Variants in AXIN1 observed in about 807,000 individuals in gnomAD.
AXIN1 encodes the protein axin-1.
Under a neutral mutation model 76.4 loss-of-function variants are expected in AXIN1, and 30 were observed. The observed-to-expected ratio is 0.39, with a 90% CI of 0.29 to 0.53. The LOEUF (loss-of-function observed/expected upper bound fraction) is 0.53. Among genes scored for constraint, AXIN1 ranks in the 20% least tolerant of loss-of-function variants. The pLI is 0.66. For synonymous variants in AXIN1, 545 were observed against 501.4 expected (o/e 1.09, Z -1.16); for missense variants, 1,140 against 1,198.8 (o/e 0.95, Z 0.72).
intron 2 of AXIN1, among the ~76,000 whole-genome samples, chr16:329,206 G>A (rs2053640048): frequency 6.7e-6 from 1 of 148,546 alleles, no homozygotes; most frequent in African/African-American, 2.5e-5. Context: ...GAACCCAGGA[G>A]GCAGAGGTTG....
intron 1 of AXIN1, among the ~76,000 whole-genome samples, chr16:352,051 T>G (rs1389554670): frequency 6.6e-6 from 1 of 150,440 alleles, no homozygotes; most frequent in Non-Finnish European, 1.5e-5. Context: ...CGGGCGGGAG[T>G]GTCCTCCTCC....
rs184713886 is a variant in AXIN1 at position 347,826 on chromosome 16, C to T, written c.-81-720G>A. The stretch of plus-strand genomic sequence containing the variant: ...CAGGCCCACAGAGGCGCTCGGACAC[C>T]GTCACTGGAGACAATCTTAAAATGC... On this transcript the variant is annotated intron_variant, in intron 1 of 10. Coordinates refer to ENST00000262320, the MANE Select transcript of AXIN1 (RefSeq NM_003502.4). Among the ~76,000 whole-genome samples, 463 of 152,272 alleles carry T rather than the reference C, an allele frequency of 3.0e-3. 1 individual carries two copies. The highest frequency in any genetic ancestry group is 0.01 in the African/African-American group (436 of 41,544).
At chr16:300,671 G>A (rs1312007747) in intron 5 of AXIN1, among the ~76,000 whole-genome samples, 1 of 152,188 alleles carries the variant, frequency 6.6e-6, no homozygotes. Context: ...GAGGACAGAC[G>A]GATGCTGGAG....
intron 6 of AXIN1, 119 bp from the exon 7 acceptor site, chr16:297,345 C>A: frequency 7.5e-7 from 1 of 1,338,724 alleles, no homozygotes; most frequent in East Asian, 2.4e-5. Context: ...CCGCCGCCCG[C>A]TGTCCCCTGC....
intron 2 of AXIN1, among the ~76,000 whole-genome samples, chr16:337,567 G>A (rs550779370): frequency 1.3e-5 from 2 of 151,848 alleles, no homozygotes; most frequent in East Asian, 3.9e-4. Context: ...CATGAGCAGG[G>A]CACAGGACCA....
chr16:311,245 T>G (rs1345677332), intron 3 of AXIN1, among the ~76,000 whole-genome samples: 1 of 151,278 alleles, frequency 6.6e-6, no homozygotes, highest in Non-Finnish European at 1.5e-5. Flanking sequence ...TTAACCACGA[T>G]GGTCTCAATC....
At chr16:343,999 CT>C (rs994951296) in intron 2 of AXIN1, among the ~76,000 whole-genome samples, 15 of 140,938 alleles carry the variant, frequency 1.1e-4, no homozygotes, top group African/African-American at 3.9e-4. Context: ...CAGAGCGAGA[CT>C]CCATTTCAAA....
At chr16:305,636 C>T (rs985535529) in intron 4 of AXIN1, among the ~76,000 whole-genome samples, 5 of 152,146 alleles carry the variant, frequency 3.3e-5, no homozygotes, top group South Asian at 2.1e-4. Context: ...CTCCGCCTCC[C>T]GGGTTCACGC....
intron 4 of AXIN1, 94 bp from the exon 5 acceptor site, chr16:304,535 A>G (rs1433304715): frequency 5.8e-6 from 9 of 1,552,370 alleles, no homozygotes; most frequent in Admixed American, 3.7e-5. Context: ...TCTCTGTTGT[A>G]TTTTATTTTA....
At chr16:323,684 G>A (rs891821608) in intron 2 of AXIN1, among the ~76,000 whole-genome samples, 1 of 151,850 alleles carries the variant, frequency 6.6e-6, no homozygotes, top group African/African-American at 2.4e-5. Context: ...GGGAGTCTGA[G>A]GCAGGAGAAT....
At chr16:351,144 A>C (rs1567311491) in intron 1 of AXIN1, among the ~76,000 whole-genome samples, 1 of 151,860 alleles carries the variant, frequency 6.6e-6, no homozygotes, top group Non-Finnish European at 1.5e-5. Flanking sequence ...AAAAAAAAAA[A>C]AAACTGAAAC....
chr16:288,447 G>A (rs1218135125), intron 10 of AXIN1, 199 bp from the exon 11 acceptor site: 14 of 767,244 alleles, frequency 1.8e-5, no homozygotes, highest in Admixed American at 1.5e-4. Flanking sequence ...GGGCAGCCAT[G>A]GGGGGTGAGT....
At chr16:337,793 G>A (rs2053837290) in intron 2 of AXIN1, among the ~76,000 whole-genome samples, 1 of 152,260 alleles carries the variant, frequency 6.6e-6, no homozygotes, top group Non-Finnish European at 1.5e-5. Flanking sequence ...CTTGCTGGAG[G>A]AGAAGGGGCA....
rs1178966552 is a variant in AXIN1, at chr16:293,627, C to T, written c.2047G>A (p.Val683Met). ...TGGATGAAGAGGTGGGAGGGCTGCACGGAGGTCCGGAGCTGAGGGCCGGCC... is the reference window on the plus strand; with the variant it reads ...TGGATGAAGAGGTGGGAGGGCTGCATGGAGGTCCGGAGCTGAGGGCCGGCC... ...PWAGPQLRTS[V>M]QPSHLFIQDP... The change falls in exon 8 of 11, where the codon GTG becomes ATG. Residue 683 changes from valine to methionine, a missense_variant. By Grantham distance (21) the Val-to-Met change is conservative (BLOSUM62 1). This residue lies in a region of AXIN1 where 429 missense variants were observed against 405.8 expected (regional missense o/e 1.06). Transcript: ENST00000262320. The surrounding 1 kb of genome is among the most constrained non-coding windows in gnomAD (Gnocchi z 4.6). 13 of 1,613,422 alleles carry T rather than the reference C, an allele frequency of 8.1e-6. No individual in the cohort carries two copies. Among genetic ancestry groups the T allele is most frequent in the South Asian group, 2.2e-5 (2 of 91,062 alleles).
At chr16:295,392 T>A (rs1158937588) in intron 7 of AXIN1, among the ~76,000 whole-genome samples, 1 of 151,882 alleles carries the variant, frequency 6.6e-6, no homozygotes, top group African/African-American at 2.4e-5. Flanking sequence ...TGAGGCTTCT[T>A]TTTTTACATT....
rs1478771070 is a variant in AXIN1, at chr16:289,457, G to C, written c.2445C>G (p.Thr815=). The change falls in exon 10 of 11, where the codon ACC becomes ACG. Residue 815 remains threonine (T), a synonymous_variant. Coordinates refer to ENST00000262320, the MANE Select transcript of AXIN1 (RefSeq NM_003502.4). ...ACACTCACCTGTAGCTGCCCTTTTT[G>C]GTCAGCAGCTCCTTGAACTGGCCCA... is the stretch of plus-strand genomic sequence containing the variant. ...VTLGQFKELL[T]KKGSYRYYFK... The C allele has an allele frequency of 6.2e-7, 1 of 1,612,726 alleles. No homozygotes were observed. The highest frequency in any genetic ancestry group is 1.7e-5 in the Admixed American group (1 of 59,998).
intron 6 of AXIN1, 121 bp downstream of exon 6, chr16:297,601 A>G: frequency 7.4e-7 from 1 of 1,354,212 alleles, no homozygotes; most frequent in Non-Finnish European, 9.8e-7. Flanking sequence ...CCTCCAGCAG[A>G]GGGGCCTCCT....
intron 10 of AXIN1, among the ~76,000 whole-genome samples, chr16:289,104 G>T (rs1458462342): frequency 6.6e-6 from 1 of 151,372 alleles, no homozygotes; most frequent in Non-Finnish European, 1.5e-5. Flanking sequence ...TTGGGCGGGG[G>T]TAGAGACAGA....
Position 346,125 on chromosome 16 carries a change from T to C in AXIN1, c.878+23A>G, listed in dbSNP as rs1438769056. ...AGCTCTCGGAGGTGAGTACAGAAAGTGGACGCCTGGCGTCGGACTCACCTG... is the reference window on the plus strand; with the variant it reads ...AGCTCTCGGAGGTGAGTACAGAAAGCGGACGCCTGGCGTCGGACTCACCTG... On this transcript the variant is annotated intron_variant, in intron 2 of 10. Coordinates refer to ENST00000262320, the MANE Select transcript of AXIN1 (RefSeq NM_003502.4). The C allele has an allele frequency of 2.5e-6, 4 of 1,609,658 alleles. No homozygotes were observed. The Admixed American group carries it at 5.0e-5, about 20-fold the overall frequency.
Sources: allele counts gnomAD v4.1 joint callset (sites outside exome capture counted in the v4.1 genomes callset), GRCh38; gene constraint gnomAD v4.1.1; regional missense constraint gnomAD v4.1.1; non-coding constraint Gnocchi (gnomAD v3.1); transcripts MANE v1.5; gene names NCBI Gene and HGNC (gene_info 2026-07-23, HGNC 2026-07-21).